The following OSBPL6 variants were observed in gnomAD, a reference collection of about 807,000 sequenced individuals.
OSBPL6 encodes the protein oxysterol binding protein like 6.
Under a neutral mutation model 125.8 loss-of-function variants are expected in OSBPL6, and 49 were observed. The ratio of observed to expected loss-of-function variants is 0.39; its 90% CI spans 0.31 to 0.49. The LOEUF (loss-of-function observed/expected upper bound fraction) is 0.49, where lower values mean the gene tolerates loss of function less well. OSBPL6 is among the 20% of genes least tolerant of loss of function. The pLI is 0.88. For missense variants in OSBPL6, 986 were observed against 1,135.4 expected (o/e 0.87, Z 1.89); for synonymous variants, 394 against 391.8 (o/e 1.01, Z -0.07).
chr2:178,274,394 T>G (rs369996106), intron 1 of OSBPL6, among the ~76,000 whole-genome samples: 1 of 152,082 alleles, frequency 6.6e-6, no homozygotes, highest in Non-Finnish European at 1.5e-5. Flanking sequence ...CAAGCACTTA[T>G]GTAGTCTTAA....
At chr2:178,234,803 A>G (rs549988652) in intron 1 of OSBPL6, among the ~76,000 whole-genome samples, 23 of 152,102 alleles carry the variant, frequency 1.5e-4, no homozygotes, top group Non-Finnish European at 3.2e-4. Flanking sequence ...CTATTACGAA[A>G]CCCATTTGCT....
At position 178,262,563 on chromosome 2, in the gene OSBPL6, T is replaced by A. The variant is rs1316231047; in HGVS notation, c.-350-22364T>A. ...GTTTATTTAAGCTTAATATTCATTTTTAAAAAAGAAAAATATTAATATTTT... is the reference window on the plus strand; with the variant it reads ...GTTTATTTAAGCTTAATATTCATTTATAAAAAAGAAAAATATTAATATTTT... On this transcript the variant is annotated intron_variant, in intron 1 of 24. Coordinates refer to ENST00000190611, the MANE Select transcript of OSBPL6 (RefSeq NM_032523.4). Among the ~76,000 whole-genome samples the A allele has an allele frequency of 3.3e-5, 5 of 152,174 alleles. No individual in the cohort carries two copies. In the East Asian group the frequency reaches 9.6e-4, roughly 29 times the overall value.
Position 178,396,040 on chromosome 2 carries a change from T to C in OSBPL6, c.*481T>C, listed in dbSNP as rs116016389. On this transcript the variant is annotated 3_prime_UTR_variant, in exon 25 of 25. Coordinates refer to ENST00000190611, the MANE Select transcript of OSBPL6 (RefSeq NM_032523.4). ...AGTGTGTCTGTTTGATGTGGTGTGA[T>C]TGTGCTGGCCTTGTCGAAAAAGATG... The C allele has an allele frequency of 4.3e-3, 1,154 of 271,242 alleles. 10 individuals are homozygous for C. The highest frequency in any genetic ancestry group is 0.023 in the African/African-American group (1,060 of 45,560). The allele number at this position is 271,242 out of a possible 1,614,324, so 16.8% of individuals were successfully genotyped here. A position where few individuals can be genotyped will look rare whatever the true frequency, so the allele number is the denominator to read the frequency against.
chr2:178,363,667 A>G (rs931339067), intron 13 of OSBPL6, among the ~76,000 whole-genome samples: 2 of 152,220 alleles, frequency 1.3e-5, no homozygotes, highest in South Asian at 2.1e-4. Flanking sequence ...CTAACATGAT[A>G]AAAGTAAAAT....
chr2:178,240,874 G>A (rs541728391), intron 1 of OSBPL6, among the ~76,000 whole-genome samples: 87 of 152,114 alleles, frequency 5.7e-4, no homozygotes, highest in Non-Finnish European at 1.0e-3. Flanking sequence ...GTCCCCAGGG[G>A]CCTATTCATA....
At chr2:178,298,215 C>G (rs1043028844) in intron 2 of OSBPL6, among the ~76,000 whole-genome samples, 6 of 152,178 alleles carry the variant, frequency 3.9e-5, no homozygotes, top group Non-Finnish European at 8.8e-5. Flanking sequence ...GAATTTCCTT[C>G]CTTTTTAAGG....
chr2:178,344,032 A>G (rs1690466860), intron 11 of OSBPL6, among the ~76,000 whole-genome samples: 1 of 152,204 alleles, frequency 6.6e-6, no homozygotes, highest in African/African-American at 2.4e-5. Flanking sequence ...GCTGTCCATC[A>G]GTTTATAACT....
chr2:178,200,754 A>G (rs111759103), intron 1 of OSBPL6, among the ~76,000 whole-genome samples: 6,292 of 151,948 alleles, frequency 0.041, 198 homozygotes, highest in Middle Eastern at 0.13. Context: ...TTTCTTTAGG[A>G]CTTCCAGAAA....
At chr2:178,321,779 A>G (rs1420424778) in intron 3 of OSBPL6, among the ~76,000 whole-genome samples, 2 of 152,304 alleles carry the variant, frequency 1.3e-5, no homozygotes, top group Non-Finnish European at 2.9e-5. Flanking sequence ...TTTACTTGCT[A>G]TGTCTCACTA....
chr2:178,281,614 G>T (rs1158324679), intron 1 of OSBPL6, among the ~76,000 whole-genome samples: 1 of 152,080 alleles, frequency 6.6e-6, no homozygotes, highest in Non-Finnish European at 1.5e-5. Flanking sequence ...CTGTCCCATT[G>T]GTCTATGTGT....
At chr2:178,269,671 C>T (rs900876783) in intron 1 of OSBPL6, among the ~76,000 whole-genome samples, 1 of 152,168 alleles carries the variant, frequency 6.6e-6, no homozygotes, top group Non-Finnish European at 1.5e-5. Flanking sequence ...CAAACCCTGC[C>T]TCTCCCTTTC....
intron 15 of OSBPL6, among the ~76,000 whole-genome samples, chr2:178,375,574 C>G: frequency 6.6e-6 from 1 of 152,154 alleles, no homozygotes; most frequent in East Asian, 1.9e-4. Context: ...AGGCATGCAC[C>G]TCCACGCCCT....
At chr2:178,383,509 G>A (rs1438687245) in intron 17 of OSBPL6, among the ~76,000 whole-genome samples, 1 of 152,270 alleles carries the variant, frequency 6.6e-6, no homozygotes, top group African/African-American at 2.4e-5. Flanking sequence ...CTAAAGTTAA[G>A]GTGTAAAGGT....
At chr2:178,367,935 C>G (rs1039367686) in intron 13 of OSBPL6, among the ~76,000 whole-genome samples, 6 of 152,140 alleles carry the variant, frequency 3.9e-5, no homozygotes, top group South Asian at 2.1e-4. Context: ...GTCTCCATAG[C>G]TCTTCTTGCT....
chr2:178,377,747 G>T (rs554347275), intron 15 of OSBPL6, among the ~76,000 whole-genome samples: 1 of 152,272 alleles, frequency 6.6e-6, no homozygotes, highest in African/African-American at 2.4e-5. Flanking sequence ...CTTACTCAAA[G>T]GTCACCTCCA....
rs150994727 is a variant in OSBPL6 at position 178,387,022 on chromosome 2, T to A, written c.2078-39T>A. 5 of 1,344,180 alleles carry A rather than the reference T, an allele frequency of 3.7e-6. No homozygotes were observed. In the African/African-American group the frequency reaches 5.8e-5, roughly 16 times the overall value. The allele number at this position is 1,344,180 out of a possible 1,614,324, so 83.3% of individuals were successfully genotyped here. ...TTTTTATAGAAGAGGTGATTAGATATGGGGTATGTATTTCTTGTCCTCTCC... is the reference window on the plus strand; with the variant it reads ...TTTTTATAGAAGAGGTGATTAGATAAGGGGTATGTATTTCTTGTCCTCTCC... On this transcript the variant is annotated intron_variant, in intron 19 of 24. Coordinates refer to ENST00000190611, the MANE Select transcript of OSBPL6 (RefSeq NM_032523.4).
At chr2:178,270,207 A>T (rs555654448) in intron 1 of OSBPL6, among the ~76,000 whole-genome samples, 1 of 152,180 alleles carries the variant, frequency 6.6e-6, no homozygotes, top group Non-Finnish European at 1.5e-5. Context: ...AAATTCTTCA[A>T]TTTGGCTCCC....
rs146931219 is a variant in OSBPL6, at chr2:178,384,160, G to A, written c.1997G>A (p.Arg666His). 1.4e-5 allele frequency: 22 copies of A among 1,613,794 alleles called. No homozygotes were observed. The highest frequency in any genetic ancestry group is 2.2e-5 in the East Asian group (1 of 44,872). The stretch of plus-strand genomic sequence containing the variant: ...TGCATTAGAGAAGACAAGGGATTCC[G>A]CTTTTTCTCAGAACAGGTAAGCGCC... ...YECIREDKGF[R>H]FFSEQVSHHP... The change falls in exon 18 of 25, where the codon CGC becomes CAC. Residue 666 changes from arginine to histidine, a missense_variant. Physicochemically the swap from Arg to His is conservative, Grantham distance 29. This residue lies in a region of OSBPL6 where 843 missense variants were observed against 997.3 expected (regional missense o/e 0.85). Transcript: ENST00000190611.
intron 15 of OSBPL6, among the ~76,000 whole-genome samples, chr2:178,380,215 G>T (rs957577561): frequency 2.0e-5 from 3 of 152,080 alleles, no homozygotes; most frequent in African/African-American, 7.2e-5. Context: ...TTGAGAGGCT[G>T]CAGTGGAAGG....
Sources: allele counts gnomAD v4.1 joint callset (sites outside exome capture counted in the v4.1 genomes callset), GRCh38; gene constraint gnomAD v4.1.1; regional missense constraint gnomAD v4.1.1; transcripts MANE v1.5; gene names NCBI Gene and HGNC (gene_info 2026-07-23, HGNC 2026-07-21).